Variants in FDFT1 observed in about 807,000 individuals in gnomAD.
FDFT1 encodes squalene synthase.
In FDFT1, 68 loss-of-function variants were observed where a neutral mutation model predicts 46.8. The observed-to-expected ratio is 1.45, with a 90% CI of 1.19 to 1.78. The LOEUF (loss-of-function observed/expected upper bound fraction) is 1.78, where lower values mean the gene tolerates loss of function less well. Among genes scored for constraint, FDFT1 ranks in the 40% most tolerant of loss-of-function variants. FDFT1 has a pLI of 0.00. For synonymous variants in FDFT1, 351 were observed against 185.1 expected, an observed-to-expected ratio of 1.90 and a Z score of -7.28; for missense variants, 928 against 524.4, an observed-to-expected ratio of 1.77 and a Z score of -7.52.
chr8:11,813,524 G>A (rs1808018439), intron 3 of FDFT1, among the ~76,000 whole-genome samples: 2 of 152,152 alleles, frequency 1.3e-5, no homozygotes, highest in Non-Finnish European at 2.9e-5. Context: ...CTTTGCCTAG[G>A]ATTACCCGTG....
intron 3 of FDFT1, among the ~76,000 whole-genome samples, chr8:11,816,922 G>C (rs187610678): frequency 3.7e-4 from 57 of 152,334 alleles, no homozygotes; most frequent in African/African-American, 1.3e-3. Flanking sequence ...GGAGTGGTGA[G>C]AGGACGGCAT....
intron 7 of FDFT1, among the ~76,000 whole-genome samples, chr8:11,835,966 T>G: frequency 2.8e-5 from 1 of 36,004 alleles, no homozygotes; most frequent in Non-Finnish European, 7.1e-5. Flanking sequence ...AAACCCTGTC[T>G]CTACTAAAAA....
At chr8:11,807,837 G>A (rs1807059211) in intron 1 of FDFT1, 1 of 152,282 alleles carries the variant, frequency 6.6e-6, no homozygotes, top group South Asian at 2.1e-4. Context: ...GGGTTGGACA[G>A]TGGTAGTAAA....
intron 3 of FDFT1, among the ~76,000 whole-genome samples, chr8:11,815,030 C>G (rs745953488): frequency 6.6e-6 from 1 of 152,164 alleles, no homozygotes; most frequent in Admixed American, 6.5e-5. Flanking sequence ...CCCCCCACCC[C>G]ACAACAGGCC....
rs186706679 is a variant in FDFT1 at position 11,803,176 on chromosome 8, G to A, written c.99+245G>A. The A allele has an allele frequency of 6.3e-4, 890 of 1,418,286 alleles. 10 individuals carry two copies. In the African/African-American group the frequency reaches 0.011, roughly 17 times the overall value. 87.9% of individuals were successfully genotyped at this position (1,418,286 alleles called of 1,614,324 possible). ...CATGAGCGACTTTTGCGTGGTTCCCGGTGGTTGCGCTCCCCGTTTCGTCCC... is the reference window on the plus strand; with the variant it reads ...CATGAGCGACTTTTGCGTGGTTCCCAGTGGTTGCGCTCCCCGTTTCGTCCC... On this transcript the variant is annotated intron_variant, in intron 1 of 7. Transcript: ENST00000220584.
intron 3 of FDFT1, among the ~76,000 whole-genome samples, chr8:11,821,140 C>T (rs542367920): frequency 7.9e-4 from 120 of 152,334 alleles, no homozygotes; most frequent in African/African-American, 2.7e-3. Context: ...TCTAAACAAG[C>T]TGTTCTCCCA....
rs1435495011 is a variant in FDFT1, at chr8:11,831,529, T to G, written c.891T>G (p.Ile297Met). The G allele has an allele frequency of 6.2e-7, 1 of 1,614,130 alleles. No homozygotes were observed. Among genetic ancestry groups the G allele is most frequent in the Admixed American group, 1.7e-5 (1 of 60,036 alleles). Reference protein sequence around the residue: ...NFCAIPQVMAIATLAACYNNQ... With the variant: ...NFCAIPQVMAMATLAACYNNQ... ...CTTGTTGTCTCTAGGTGATGGCCAT[T>G]GCCACTTTGGCTGCCTGTTATAATA... is the stretch of plus-strand genomic sequence containing the variant. The change falls in exon 7 of 8, where the codon ATT becomes ATG. Residue 297 changes from isoleucine (I) to methionine (M), a missense_variant. Coordinates refer to ENST00000220584, the MANE Select transcript of FDFT1 (RefSeq NM_004462.5).
intron 1 of FDFT1, 68 bp downstream of exon 1, chr8:11,802,999 C>A (rs1585846955): frequency 6.5e-7 from 1 of 1,533,374 alleles, no homozygotes; most frequent in Non-Finnish European, 8.8e-7. Context: ...AGGGCCTGAG[C>A]GGCCGGGCCC....
upstream of FDFT1, among the ~76,000 whole-genome samples, chr8:11,800,426 A>G (rs1258751921): frequency 6.6e-6 from 1 of 151,908 alleles, no homozygotes; most frequent in Non-Finnish European, 1.5e-5. Flanking sequence ...CGTCCACCCC[A>G]CTGCTTGTGT....
chr8:11,817,423 T>C (rs1442061248), intron 3 of FDFT1, among the ~76,000 whole-genome samples: 1 of 152,094 alleles, frequency 6.6e-6, no homozygotes, highest in African/African-American at 2.4e-5. Flanking sequence ...TCTATTGGAA[T>C]AGTTTCAGAA....
intron 3 of FDFT1, among the ~76,000 whole-genome samples, chr8:11,820,281 C>T (rs1434350096): frequency 6.6e-6 from 1 of 152,134 alleles, no homozygotes; most frequent in Non-Finnish European, 1.5e-5. Context: ...GGTGTCTCCT[C>T]CCAGTCAGGC....
At chr8:11,823,067 A>C (rs1421532348) in intron 4 of FDFT1, among the ~76,000 whole-genome samples, 6 of 152,016 alleles carry the variant, frequency 3.9e-5, no homozygotes, top group Admixed American at 1.3e-4. Flanking sequence ...TGATCCTCCC[A>C]CCTCAGCCTA....
Position 11,809,742 on chromosome 8 carries a change from A to G in FDFT1, c.273A>G (p.Glu91=). Residue 91 remains glutamate (E), a synonymous_variant, in exon 3 of 8, where the codon GAA becomes GAG. Coordinates refer to ENST00000220584, the MANE Select transcript of FDFT1 (RefSeq NM_004462.5). The part of the protein sequence containing the change: ...TLEDDMTISV[E]KKVPLLHNFH... ...AAGATGACATGACCATCAGTGTGGAAAAGAAGGTCCCGCTGTTACACAACT... is the reference window on the plus strand; with the variant it reads ...AAGATGACATGACCATCAGTGTGGAGAAGAAGGTCCCGCTGTTACACAACT... The G allele has an allele frequency of 1.2e-6, 2 of 1,614,146 alleles. No individual in the cohort carries two copies. Among genetic ancestry groups the G allele is most frequent in the Non-Finnish European group, 1.7e-6 (2 of 1,179,998 alleles).
At chr8:11,818,013 C>T (rs887157316) in intron 3 of FDFT1, among the ~76,000 whole-genome samples, 1 of 152,062 alleles carries the variant, frequency 6.6e-6, no homozygotes. Context: ...TATAAATTTC[C>T]CTCTACACAC....
intron 5 of FDFT1, among the ~76,000 whole-genome samples, chr8:11,826,433 G>T (rs1392302490): frequency 1.3e-5 from 2 of 152,190 alleles, no homozygotes; most frequent in Non-Finnish European, 2.9e-5. Context: ...AAGCCTTGCT[G>T]TCCTTGATTT....
intron 1 of FDFT1, among the ~76,000 whole-genome samples, chr8:11,805,557 CCT>C (rs1188657419): frequency 6.6e-6 from 1 of 152,210 alleles, no homozygotes; most frequent in Non-Finnish European, 1.5e-5. Flanking sequence ...GGTAACTTAA[CCT>C]CTGAACCACA....
At chr8:11,804,968 G>T (rs1806643527) in intron 1 of FDFT1, among the ~76,000 whole-genome samples, 2 of 145,668 alleles carry the variant, frequency 1.4e-5, no homozygotes, top group Admixed American at 7.0e-5. Flanking sequence ...GAATGCTGTG[G>T]CCTGAACATG....
chr8:11,813,024 G>A (rs1223843550), intron 3 of FDFT1, among the ~76,000 whole-genome samples: 1 of 145,674 alleles, frequency 6.9e-6, no homozygotes, highest in Non-Finnish European at 1.5e-5. Context: ...AGGCTCTGTG[G>A]TACAGGCCAT....
In FDFT1 at chr8:11,808,262, G is replaced by C. The variant is rs1807139311; in HGVS notation, c.100-532G>C. 3 of 1,212,728 alleles carry C rather than the reference G, an allele frequency of 2.5e-6. No individual in the cohort carries two copies. The African/African-American group carries it at 4.7e-5, about 19-fold the overall frequency. 75.1% of individuals were successfully genotyped at this position (1,212,728 alleles called of 1,614,324 possible). On this transcript the variant is annotated intron_variant, in intron 1 of 7. Coordinates refer to ENST00000220584, the MANE Select transcript of FDFT1 (RefSeq NM_004462.5). The stretch of plus-strand genomic sequence containing the variant: ...GTCTAGGGAGACTCTGTCACTGGGA[G>C]GACGAGCGAGCCGCTCGGAAGTGCG...
Sources: gnomAD v4.1 joint callset for allele counts (sites outside exome capture counted in the v4.1 genomes callset) on GRCh38, gnomAD v4.1.1 for gene constraint, MANE v1.5 for transcripts, NCBI Gene and HGNC (gene_info 2026-07-23, HGNC 2026-07-21) for gene names.